Variants in NHSL2 observed in about 807,000 individuals in gnomAD.
NHSL2 encodes NHS like 2.
Under a neutral mutation model 53.4 loss-of-function variants are expected in NHSL2, and 27 were observed. The ratio of observed to expected loss-of-function variants is 0.51; its 90% CI spans 0.37 to 0.70. The LOEUF is 0.70. Ranked by LOEUF, NHSL2 falls within the 30% of genes least tolerant of loss-of-function variation. The probability of loss-of-function intolerance (pLI) is 0.00; values close to 1 mark genes in which losing one functional copy is unlikely to be tolerated. For missense variants in NHSL2, 892 were observed against 980.1 expected (o/e 0.91, Z 1.20); for synonymous variants, 408 against 404.1 (o/e 1.01, Z -0.12).
intron 1 of NHSL2, among the ~76,000 whole-genome samples, chrX:72,028,530 G>C (rs766438737): frequency 8.9e-6 from 1 of 112,141 alleles, no homozygotes; most frequent in African/African-American, 3.2e-5. Context: ...AGGTCCTTCC[G>C]CCTGGCCTCC....
At chrX:71,989,304 G>A (rs940236628) in intron 1 of NHSL2, among the ~76,000 whole-genome samples, 3 of 88,009 alleles carry the variant, frequency 3.4e-5, no homozygotes, top group African/African-American at 9.3e-5. Flanking sequence ...AGTCGAGATC[G>A]CTCCACTGCA....
intron 1 of NHSL2, among the ~76,000 whole-genome samples, chrX:71,994,979 T>A (rs949787551): frequency 4.5e-5 from 5 of 111,549 alleles, no homozygotes; most frequent in African/African-American, 1.6e-4. Context: ...CATCTCAGAC[T>A]TGACCTATTC....
intron 1 of NHSL2, among the ~76,000 whole-genome samples, chrX:71,916,119 C>T (rs765065320): frequency 8.9e-6 from 1 of 111,793 alleles, no homozygotes; most frequent in South Asian, 3.8e-4. Flanking sequence ...GCAATCCCTC[C>T]TGATCCCTCT....
chrX:72,073,337 C>T (rs2041715899), intron 1 of NHSL2, among the ~76,000 whole-genome samples: 1 of 111,380 alleles, frequency 9.0e-6, no homozygotes, highest in Admixed American at 9.5e-5. Flanking sequence ...TGCTTTAAGA[C>T]TGGAAAGCCT....
chrX:72,121,540 C>T (rs1360196918), intron 1 of NHSL2, among the ~76,000 whole-genome samples: 1 of 111,859 alleles, frequency 8.9e-6, no homozygotes, highest in East Asian at 2.8e-4. Flanking sequence ...CAGCCCCACC[C>T]TGGGCTGCTG....
chrX:72,140,767 T>A lies in NHSL2; in HGVS notation c.3219T>A (p.Pro1073=). ...PQADSEREAS[P]LGSSVEPGTE... ...CTGACAGTGAAAGGGAGGCAAGCCC[T>A]CTGGGTTAGTAAACTGTCTGCTGGC... is the stretch of plus-strand genomic sequence containing the variant. The change falls in exon 6 of 8, where the codon CCT becomes CCA. Residue 1073 remains proline (P), a synonymous_variant. Transcript: ENST00000633930. 1 of 1,165,323 alleles carries A rather than the reference T, an allele frequency of 8.6e-7. No individual in the cohort carries two copies. The highest frequency in any genetic ancestry group is 1.1e-6 in the Non-Finnish European group (1 of 871,374).
chrX:72,094,774 A>G (rs756711574), intron 1 of NHSL2, among the ~76,000 whole-genome samples: 4 of 111,700 alleles, frequency 3.6e-5, no homozygotes, highest in Non-Finnish European at 7.5e-5. Context: ...TTGTCACCCT[A>G]ACACTGGGAC....
chrX:72,108,898 G>A (rs919363784), intron 1 of NHSL2, among the ~76,000 whole-genome samples: 1 of 111,084 alleles, frequency 9.0e-6, no homozygotes, highest in African/African-American at 3.3e-5. Flanking sequence ...ATTCCTGACC[G>A]CAGCCCATAA....
chrX:72,062,377 A>G (rs965012449), intron 1 of NHSL2, among the ~76,000 whole-genome samples: 2 of 112,533 alleles, frequency 1.8e-5, no homozygotes, highest in Non-Finnish European at 3.8e-5. Flanking sequence ...AGTAGTACAT[A>G]TATATGGTTT....
chrX:72,002,297 C>T (rs2042075831), intron 1 of NHSL2, among the ~76,000 whole-genome samples: 1 of 112,364 alleles, frequency 8.9e-6, no homozygotes, highest in Non-Finnish European at 1.9e-5. Context: ...TGACATATTT[C>T]ACACCTGCCT....
chrX:71,980,144 A>G (rs1223580265), intron 1 of NHSL2, among the ~76,000 whole-genome samples: 3 of 111,863 alleles, frequency 2.7e-5, no homozygotes, highest in Non-Finnish European at 5.6e-5. Flanking sequence ...TACCAGTACC[A>G]TGCTGTTTTG....
chrX:72,139,774 C>A lies in NHSL2; in HGVS notation c.2226C>A (p.Val742=). 2 of 1,211,193 alleles carry A rather than the reference C, an allele frequency of 1.7e-6. No homozygotes were observed. Among genetic ancestry groups the A allele is most frequent in the South Asian group, 3.5e-5 (2 of 56,916 alleles). ...LGHLPPPSSS[V]RVRPVVPERK... ...ACTTACCCCCTCCAAGCAGCAGTGT[C>A]CGGGTACGTCCAGTGGTACCTGAGA... is the stretch of plus-strand genomic sequence containing the variant. Residue 742 remains valine (V), a synonymous_variant, in exon 6 of 8, where the codon GTC becomes GTA. Transcript: ENST00000633930.
chrX:72,152,263 A>C lies in NHSL2; in HGVS notation c.*8689A>C, dbSNP rs1194608163. On this transcript the variant is annotated 3_prime_UTR_variant, in exon 8 of 8. Transcript: ENST00000633930. ...AAACGTTGTGGGATAAGAATGGATG[A>C]TATGTATGTGTCTGTGTGAGTTTGG... The C allele has an allele frequency of 1.8e-5, 2 of 112,997 alleles. No homozygotes were observed. The highest frequency in any genetic ancestry group is 3.8e-5 in the Non-Finnish European group (2 of 53,310). 9.3% of individuals were successfully genotyped at this position (112,997 alleles called of 1,213,427 possible). A position where few individuals can be genotyped will look rare whatever the true frequency, so the allele number is the denominator to read the frequency against.
intron 1 of NHSL2, among the ~76,000 whole-genome samples, chrX:71,921,459 T>C: frequency 1.8e-5 from 2 of 109,429 alleles, no homozygotes; most frequent in Middle Eastern, 4.6e-3. Flanking sequence ...CATAGGAAAT[T>C]AGAAACATGA....
At chrX:71,932,069 G>A (rs1000673261) in intron 1 of NHSL2, among the ~76,000 whole-genome samples, 1 of 112,199 alleles carries the variant, frequency 8.9e-6, no homozygotes, top group South Asian at 3.7e-4. Context: ...CTTGCCTTCA[G>A]GGAGCTAAGC....
At chrX:71,912,975 G>A (rs1004430215) in intron 1 of NHSL2, among the ~76,000 whole-genome samples, 1 of 111,951 alleles carries the variant, frequency 8.9e-6, no homozygotes, top group South Asian at 3.7e-4. Flanking sequence ...CCGGTGATCT[G>A]CCAGGTTAGA....
At chrX:72,032,646 G>A (rs1052132607) in intron 1 of NHSL2, among the ~76,000 whole-genome samples, 24 of 111,493 alleles carry the variant, frequency 2.2e-4, no homozygotes, top group African/African-American at 6.9e-4. Flanking sequence ...ATCACTTGAG[G>A]TCAGGAGTTC....
At chrX:71,991,182 G>A (rs750129922) in intron 1 of NHSL2, among the ~76,000 whole-genome samples, 24 of 112,816 alleles carry the variant, frequency 2.1e-4, no homozygotes, top group Non-Finnish European at 4.5e-4. Context: ...AACATGTTTT[G>A]TTGGTTGGCA....
At chrX:72,016,221 A>C (rs2042135298) in intron 1 of NHSL2, among the ~76,000 whole-genome samples, 1 of 112,434 alleles carries the variant, frequency 8.9e-6, no homozygotes, top group South Asian at 3.7e-4. Flanking sequence ...CTTCAGCACT[A>C]TTCGTTGAAT....
Sources: gnomAD v4.1 joint callset for allele counts (sites outside exome capture counted in the v4.1 genomes callset) on GRCh38, gnomAD v4.1.1 for gene constraint, MANE v1.5 for transcripts, NCBI Gene and HGNC (gene_info 2026-07-23, HGNC 2026-07-21) for gene names.